Variants in WDR59 observed in about 807,000 individuals in gnomAD.
WDR59 encodes WD repeat domain 59, also known as GATOR2 complex protein WDR59.
WDR59 carries 100 observed loss-of-function variants against 131.2 expected under a neutral mutation model. The ratio of observed to expected loss-of-function variants is 0.76; its 90% CI spans 0.65 to 0.90. The LOEUF (loss-of-function observed/expected upper bound fraction) is 0.90, where lower values mean the gene tolerates loss of function less well. Among genes scored for constraint, WDR59 ranks in the 40% least tolerant of loss-of-function variants. WDR59 has a pLI of 0.00. For missense variants in WDR59, 1,203 were observed against 1,262.2 expected, an observed-to-expected ratio of 0.95 and a Z score of 0.71; for synonymous variants, 601 against 466.2, an observed-to-expected ratio of 1.29 and a Z score of -3.72.
chr16:74,917,669 T>A (rs1264318424), intron 11 of WDR59, among the ~76,000 whole-genome samples: 1 of 151,338 alleles, frequency 6.6e-6, no homozygotes, highest in Non-Finnish European at 1.5e-5. Flanking sequence ...ATTAGCCGAG[T>A]GTGTTGGTGG....
At chr16:74,952,445 CAAAAAAAAA>C (rs61448932) in intron 3 of WDR59, among the ~76,000 whole-genome samples, 2 of 62,718 alleles carry the variant, frequency 3.2e-5, no homozygotes, top group African/African-American at 5.2e-5. Flanking sequence ...CCATCTCAAA[CAAAAAAAAA>C]AAAAAAAAAA....
rs182992029 is a variant in WDR59 at position 74,951,113 on chromosome 16, T to A, written c.326+345A>T. Among the ~76,000 whole-genome samples the A allele has an allele frequency of 8.2e-3, 1,093 of 132,942 alleles. 4 individuals are homozygous for A. Among genetic ancestry groups the A allele is most frequent in the Non-Finnish European group, 0.011 (706 of 65,924 alleles). The allele number at this position is 132,942 out of a possible 152,430, so 87.2% of individuals were successfully genotyped here. On this transcript the variant is annotated intron_variant, in intron 4 of 25. Coordinates refer to ENST00000262144, the MANE Select transcript of WDR59 (RefSeq NM_030581.4). ...AAGCGGTGGTTGCAGTGAGCCAAGA[T>A]CGCACCATTGCACTCCAGCCTGGGC...
At chr16:74,979,427 C>T (rs1011427580) in intron 1 of WDR59, among the ~76,000 whole-genome samples, 2 of 151,168 alleles carry the variant, frequency 1.3e-5, no homozygotes, top group Non-Finnish European at 2.9e-5. Flanking sequence ...GATCGAGCCA[C>T]TGCACTCCAG....
In WDR59 at chr16:74,956,476, G is replaced by A. The variant is rs1226074026; in HGVS notation, c.239C>T (p.Ser80Leu). 1.2e-5 allele frequency: 19 copies of A among 1,612,664 alleles called. No homozygotes were observed. The highest frequency in any genetic ancestry group is 1.6e-5 in the Non-Finnish European group (19 of 1,179,532). The change falls in exon 3 of 26, where the codon TCG becomes TTG. Residue 80 changes from serine (S) to leucine (L), a missense_variant and splice_region_variant. Transcript: ENST00000262144. Reference sequence around the variant, plus strand: ...CCTGTATTCCTTAAATAAGCTCACCGAAGCCGCAAAATAGTGTGCAAAGCT... The same window carrying A: ...CCTGTATTCCTTAAATAAGCTCACCAAAGCCGCAAAATAGTGTGCAAAGCT... Reference protein sequence around the residue: ...HDSFAHYFAASSNQRVDLYKW... With the variant: ...HDSFAHYFAALSNQRVDLYKW...
At chr16:74,918,057 C>T in intron 10 of WDR59, 49 bp from the exon 11 acceptor site, 3 of 1,577,436 alleles carry the variant, frequency 1.9e-6, no homozygotes, top group Non-Finnish European at 2.6e-6. Context: ...GATTCAACGT[C>T]TATTTGCTAG....
intron 6 of WDR59, 79 bp from the exon 7 acceptor site, chr16:74,942,905 G>C (rs997786524): frequency 2.3e-6 from 3 of 1,297,248 alleles, no homozygotes; most frequent in African/African-American, 1.5e-5. Context: ...AGGGGAGCTG[G>C]ATAATGAGTT....
intron 1 of WDR59, among the ~76,000 whole-genome samples, chr16:74,970,917 T>C (rs1390994966): frequency 6.6e-6 from 1 of 150,466 alleles, no homozygotes; most frequent in Non-Finnish European, 1.5e-5. Context: ...CCAGGAATGG[T>C]GTATGCACTT....
intron 17 of WDR59, among the ~76,000 whole-genome samples, chr16:74,907,960 T>C (rs1167656328): frequency 6.6e-6 from 1 of 152,204 alleles, no homozygotes. Context: ...TCTGGGCACG[T>C]TGGCTCTGAA....
At chr16:74,946,530 T>C (rs2032650584) in intron 6 of WDR59, among the ~76,000 whole-genome samples, 1 of 152,032 alleles carries the variant, frequency 6.6e-6, no homozygotes, top group Non-Finnish European at 1.5e-5. Context: ...GAGACCAGCC[T>C]GGCCAACAAG....
At chr16:74,977,838 C>T (rs2145245198) in intron 1 of WDR59, among the ~76,000 whole-genome samples, 1 of 152,308 alleles carries the variant, frequency 6.6e-6, no homozygotes, top group East Asian at 1.9e-4. Flanking sequence ...TATACTGGAA[C>T]ACTACTCAGC....
chr16:74,932,744 C>A (rs2031498770), intron 8 of WDR59, among the ~76,000 whole-genome samples: 3 of 152,198 alleles, frequency 2.0e-5, no homozygotes, highest in African/African-American at 7.2e-5. Flanking sequence ...CCTCCTCAGA[C>A]TCCCAAAGTG....
chr16:74,907,917 C>T lies in WDR59; in HGVS notation c.1712+991G>A, dbSNP rs149684878. On this transcript the variant is annotated intron_variant, in intron 17 of 25. Coordinates refer to ENST00000262144, the MANE Select transcript of WDR59 (RefSeq NM_030581.4). ...GAAGCTGAAGTTTAGATAACTTGCC[C>T]AAGGTCATAAAATGACAGGGCCAAA... 3.5e-3 allele frequency among the ~76,000 whole-genome samples: 538 copies of T among 152,270 alleles called. 2 individuals carry two copies. The highest frequency in any genetic ancestry group is 0.012 in the African/African-American group (517 of 41,550).
intron 1 of WDR59, among the ~76,000 whole-genome samples, chr16:74,971,108 G>A (rs992804879): frequency 2.0e-5 from 3 of 151,996 alleles, no homozygotes; most frequent in Non-Finnish European, 4.4e-5. Flanking sequence ...GGTCCTTCCA[G>A]CTCACAATGT....
intron 25 of WDR59, among the ~76,000 whole-genome samples, chr16:74,878,392 G>A (rs1037807370): frequency 3.3e-5 from 5 of 152,140 alleles, no homozygotes; most frequent in Admixed American, 6.5e-5. Context: ...CGTGGCTCTC[G>A]CCTGTAATCT....
intron 13 of WDR59, 117 bp downstream of exon 13, chr16:74,915,753 G>A: frequency 2.0e-6 from 3 of 1,477,790 alleles, no homozygotes; most frequent in South Asian, 2.5e-5. Context: ...AAAGCAAGCA[G>A]AGAGAGTTCT....
At chr16:74,968,002 A>G (rs182996922) in intron 1 of WDR59, among the ~76,000 whole-genome samples, 1 of 152,318 alleles carries the variant, frequency 6.6e-6, no homozygotes, top group East Asian at 1.9e-4. Flanking sequence ...ATGCTACAAC[A>G]TGGATGGAGC....
chr16:74,898,307 C>T (rs1234455881), intron 18 of WDR59, among the ~76,000 whole-genome samples: 1 of 151,902 alleles, frequency 6.6e-6, no homozygotes, highest in African/African-American at 2.4e-5. Flanking sequence ...CTCTGACGGG[C>T]TTAAATATGG....
intron 21 of WDR59, among the ~76,000 whole-genome samples, chr16:74,888,555 C>T (rs1482455249): frequency 1.3e-5 from 2 of 152,166 alleles, no homozygotes; most frequent in Non-Finnish European, 2.9e-5. Context: ...ATCTACAGAA[C>T]GCATCTCAAA....
chr16:74,973,006 G>A (rs542756572), intron 1 of WDR59, among the ~76,000 whole-genome samples: 1 of 151,832 alleles, frequency 6.6e-6, no homozygotes, highest in Admixed American at 6.6e-5. Context: ...GCCGAGGCGG[G>A]CAGATCACCT....
Sources: allele counts gnomAD v4.1 joint callset (sites outside exome capture counted in the v4.1 genomes callset), GRCh38; gene constraint gnomAD v4.1.1; transcripts MANE v1.5; gene names NCBI Gene and HGNC (gene_info 2026-07-23, HGNC 2026-07-21).